SNX7: variants seen among roughly 807,000 people sequenced by gnomAD.
SNX7 encodes sorting nexin-7.
In SNX7, 35 loss-of-function variants were observed where a neutral mutation model predicts 48.4. That is an observed-to-expected ratio of 0.72 (90% CI 0.55 to 0.96). SNX7 has a LOEUF of 0.96. SNX7 is among the 40% of genes least tolerant of loss of function. The probability of loss-of-function intolerance (pLI) is 0.00; values close to 1 mark genes in which losing one functional copy is unlikely to be tolerated. For synonymous variants in SNX7, 190 were observed against 190.2 expected, an observed-to-expected ratio of 1.00 and a Z score of 0.01; for missense variants, 553 against 548.9, an observed-to-expected ratio of 1.01 and a Z score of -0.07.
At chr1:98,715,647 A>G (rs569503637) in intron 7 of SNX7, among the ~76,000 whole-genome samples, 1 of 152,298 alleles carries the variant, frequency 6.6e-6, no homozygotes, top group South Asian at 2.1e-4. Flanking sequence ...ACCATCTTCA[A>G]GCTGGCTTCT....
At chr1:98,756,628 G>A (rs1570620315) in intron 8 of SNX7, among the ~76,000 whole-genome samples, 1 of 151,636 alleles carries the variant, frequency 6.6e-6, no homozygotes, top group East Asian at 2.0e-4. Context: ...GCATGTGCCA[G>A]TCAGTACTCT....
At chr1:98,703,116 G>T (rs1434141080) in intron 7 of SNX7, among the ~76,000 whole-genome samples, 2 of 151,394 alleles carry the variant, frequency 1.3e-5, no homozygotes, top group East Asian at 3.9e-4. Flanking sequence ...TTTTTTATTT[G>T]TTCACTGGAG....
intron 7 of SNX7, among the ~76,000 whole-genome samples, chr1:98,721,542 A>G (rs1475154002): frequency 6.6e-6 from 1 of 152,112 alleles, no homozygotes; most frequent in East Asian, 1.9e-4. Context: ...AGTCACTTTT[A>G]TACTTCAATA....
intron 1 of SNX7, 140 bp from the exon 2 acceptor site, chr1:98,684,745 C>A: frequency 3.9e-6 from 2 of 509,282 alleles, no homozygotes; most frequent in Non-Finnish European, 6.4e-6. Context: ...GATAAAAATA[C>A]ATGTTCAGTA....
chr1:98,744,281 TGAGAG>T (rs1654214727), intron 8 of SNX7, among the ~76,000 whole-genome samples: 2 of 151,954 alleles, frequency 1.3e-5, no homozygotes, highest in Admixed American at 1.3e-4. Flanking sequence ...GAATATGACT[TGAGAG>T]GAGTGGACAA....
intron 5 of SNX7, among the ~76,000 whole-genome samples, chr1:98,696,508 C>G (rs1354659294): frequency 6.6e-6 from 1 of 151,354 alleles, no homozygotes; most frequent in Admixed American, 6.6e-5. Context: ...GAAAAAAAAC[C>G]ACGAATGAAC....
chr1:98,682,781 G>C (rs1650572543), intron 1 of SNX7, among the ~76,000 whole-genome samples: 1 of 152,114 alleles, frequency 6.6e-6, no homozygotes, highest in East Asian at 1.9e-4. Context: ...CCAGTGTCCT[G>C]TTCATTTTGG....
chr1:98,677,877 CA>C (rs11346156), intron 1 of SNX7, among the ~76,000 whole-genome samples: 99,090 of 116,552 alleles, frequency 0.85, 42,214 homozygotes, highest in Non-Finnish European at 0.93. Context: ...GACGCTGTCT[CA>C]AAAAAAAAAA....
At chr1:98,740,392 A>G (rs897861142) in intron 8 of SNX7, among the ~76,000 whole-genome samples, 1 of 152,172 alleles carries the variant, frequency 6.6e-6, no homozygotes, top group Non-Finnish European at 1.5e-5. Context: ...AATAAAACCA[A>G]AATTTTAATT....
chr1:98,744,190 A>T (rs1654206221), intron 8 of SNX7, among the ~76,000 whole-genome samples: 1 of 152,020 alleles, frequency 6.6e-6, no homozygotes, highest in South Asian at 2.1e-4. Flanking sequence ...TCTCAGTCAT[A>T]TTTCCTAGAA....
chr1:98,689,701 C>CA (rs1330540957), intron 2 of SNX7, among the ~76,000 whole-genome samples: 2 of 152,078 alleles, frequency 1.3e-5, no homozygotes, highest in Non-Finnish European at 2.9e-5. Context: ...AGGAGATGCT[C>CA]AGTAATATTT....
At chr1:98,713,879 C>T (rs1330399461) in intron 7 of SNX7, among the ~76,000 whole-genome samples, 1 of 152,054 alleles carries the variant, frequency 6.6e-6, no homozygotes, top group Non-Finnish European at 1.5e-5. Flanking sequence ...TCACAGATCG[C>T]CATCACAGAT....
At chr1:98,712,295 G>A (rs563583104) in intron 7 of SNX7, among the ~76,000 whole-genome samples, 2 of 152,144 alleles carry the variant, frequency 1.3e-5, no homozygotes, top group South Asian at 4.2e-4. Context: ...GTTCCATCAA[G>A]GGAATCACAA....
In SNX7 at chr1:98,745,061, T is replaced by TA. The variant is rs1654249521; in HGVS notation, c.1278+6673dup. ...ATACACACCATGCACAGTCATCTAA[T>TA]ACTTGCTCAACCCTTTGTCAATAGC... On this transcript the variant is annotated intron_variant, in intron 8 of 8. Transcript: ENST00000306121. Among the ~76,000 whole-genome samples the TA allele has an allele frequency of 3.3e-5, 5 of 152,228 alleles. No homozygotes were observed. The South Asian group carries it at 1.0e-3, about 32-fold the overall frequency.
At chr1:98,731,441 A>G (rs530005408) in intron 7 of SNX7, among the ~76,000 whole-genome samples, 1 of 152,172 alleles carries the variant, frequency 6.6e-6, no homozygotes, top group African/African-American at 2.4e-5. Flanking sequence ...GAATTCCCTC[A>G]TGTTGCCGTC....
intron 8 of SNX7, among the ~76,000 whole-genome samples, chr1:98,741,762 T>A (rs946669202): frequency 1.3e-5 from 2 of 152,120 alleles, no homozygotes; most frequent in Non-Finnish European, 2.9e-5. Context: ...AACTTTTTTC[T>A]TGAAGGTGCA....
intron 7 of SNX7, among the ~76,000 whole-genome samples, chr1:98,735,112 G>C (rs115382786): frequency 0.013 from 1,935 of 152,178 alleles, 54 homozygotes; most frequent in African/African-American, 0.045. Context: ...ATTAACTTTT[G>C]TTGAGTATAT....
chr1:98,684,032 C>T (rs1650648190), intron 1 of SNX7, among the ~76,000 whole-genome samples: 1 of 152,110 alleles, frequency 6.6e-6, no homozygotes, highest in South Asian at 2.1e-4. Context: ...AATAACCAAT[C>T]ATCTGGTTTC....
intron 8 of SNX7, among the ~76,000 whole-genome samples, chr1:98,741,630 G>A (rs1654074469): frequency 6.6e-6 from 1 of 152,028 alleles, no homozygotes; most frequent in African/African-American, 2.4e-5. Flanking sequence ...ATTTGAGCAG[G>A]GTGAATGATT....
Sources: gnomAD v4.1 joint callset for allele counts (sites outside exome capture counted in the v4.1 genomes callset) on GRCh38, gnomAD v4.1.1 for gene constraint, MANE v1.5 for transcripts, NCBI Gene and HGNC (gene_info 2026-07-23, HGNC 2026-07-21) for gene names.